RASA2: variants seen among roughly 807,000 people sequenced by gnomAD.
RASA2 encodes the protein RAS p21 protein activator 2, also known as ras GTPase-activating protein 2.
Under a neutral mutation model 118.2 loss-of-function variants are expected in RASA2, and 155 were observed. The ratio of observed to expected loss-of-function variants is 1.31; its 90% CI spans 1.15 to 1.50. The LOEUF (loss-of-function observed/expected upper bound fraction) is 1.50, where lower values mean the gene tolerates loss of function less well. Ranked by LOEUF, RASA2 falls within the 40% of genes most tolerant of loss-of-function variation. The pLI is 0.00. For missense variants in RASA2, 1,016 were observed against 1,009.6 expected (o/e 1.01, Z -0.09); for synonymous variants, 353 against 349.1 (o/e 1.01, Z -0.12).
chr3:141,570,725 C>T (rs2082904522), intron 9 of RASA2, among the ~76,000 whole-genome samples, 187 bp from the exon 10 acceptor site: 1 of 152,134 alleles, frequency 6.6e-6, no homozygotes, highest in Non-Finnish European at 1.5e-5. Context: ...GTGTTTATAG[C>T]TTTGTAATCC....
In RASA2 at chr3:141,540,042, C is replaced by T. The variant is rs144164361; in HGVS notation, c.451-491C>T. Among the ~76,000 whole-genome samples, 804 of 152,186 alleles carry T rather than the reference C, an allele frequency of 5.3e-3. 3 individuals are homozygous for T. The highest frequency in any genetic ancestry group is 8.3e-3 in the Non-Finnish European group (566 of 67,980). ...TGCCTTCTGAAACATAGTAGACATT[C>T]CATAAATCTTTATTGTTTGATCAAA... On this transcript the variant is annotated intron_variant, in intron 4 of 23. Coordinates refer to ENST00000286364, the MANE Select transcript of RASA2 (RefSeq NM_006506.5).
intron 19 of RASA2, among the ~76,000 whole-genome samples, chr3:141,604,994 C>G (rs1461152265): frequency 6.6e-6 from 1 of 151,724 alleles, no homozygotes; most frequent in African/African-American, 2.4e-5. Flanking sequence ...AATGATAGTT[C>G]AATGGAGTAA....
intron 9 of RASA2, 72 bp from the exon 10 acceptor site, chr3:141,570,837 TAAC>T: frequency 7.1e-7 from 1 of 1,415,010 alleles, no homozygotes; most frequent in South Asian, 1.3e-5. Flanking sequence ...AGTTTTTTTA[TAAC>T]TTAACTCTTA....
At chr3:141,491,800 G>A (rs113404186) in intron 1 of RASA2, among the ~76,000 whole-genome samples, 17 of 152,244 alleles carry the variant, frequency 1.1e-4, no homozygotes, top group African/African-American at 3.9e-4. Flanking sequence ...AATTGGTCCT[G>A]GAGCTTGGAA....
At chr3:141,535,808 A>G (rs1344965503) in intron 4 of RASA2, among the ~76,000 whole-genome samples, 2 of 152,208 alleles carry the variant, frequency 1.3e-5, no homozygotes, top group African/African-American at 4.8e-5. Context: ...GCACTCAGCC[A>G]TTCATGAGGG....
At chr3:141,601,984 T>A (rs2083471882) in intron 19 of RASA2, among the ~76,000 whole-genome samples, 2 of 152,248 alleles carry the variant, frequency 1.3e-5, no homozygotes, top group South Asian at 4.1e-4. Flanking sequence ...CTCTTTGTAC[T>A]TTAGATTTTT....
At chr3:141,509,895 A>G (rs1400238725) in intron 1 of RASA2, among the ~76,000 whole-genome samples, 1 of 152,232 alleles carries the variant, frequency 6.6e-6, no homozygotes, top group East Asian at 1.9e-4. Flanking sequence ...TAAATTAATC[A>G]TTTAAAAGGT....
At chr3:141,539,563 A>C (rs999793368) in intron 4 of RASA2, among the ~76,000 whole-genome samples, 2 of 152,194 alleles carry the variant, frequency 1.3e-5, no homozygotes, top group African/African-American at 2.4e-5. Flanking sequence ...CTAGATAATG[A>C]ACTTTCCTAC....
rs963937406 is a variant in RASA2 at position 141,516,780 on chromosome 3, G to GTT, written c.355+359_355+360dup. ...TTAAAAGGGCAGGGACTCTTTTTTTGTTTTTTTTTTTGACACAGAATCTTG... is the reference window on the plus strand; with the variant it reads ...TTAAAAGGGCAGGGACTCTTTTTTTGTTTTTTTTTTTTTGACACAGAATCTTG... On this transcript the variant is annotated intron_variant, in intron 3 of 23. Transcript: ENST00000286364. 4.6e-3 allele frequency among the ~76,000 whole-genome samples: 654 copies of GTT among 140,876 alleles called. 5 individuals carry two copies. The highest frequency in any genetic ancestry group is 0.016 in the African/African-American group (623 of 38,722). The allele number at this position is 140,876 out of a possible 152,430, so 92.4% of individuals were successfully genotyped here. A position where few individuals can be genotyped will look rare whatever the true frequency, so the allele number is the denominator to read the frequency against.
chr3:141,573,812 G>T, intron 13 of RASA2, 132 bp from the exon 14 acceptor site: 1 of 668,354 alleles, frequency 1.5e-6, no homozygotes, highest in Non-Finnish European at 2.2e-6. Context: ...TTGGAAAAGG[G>T]TAACAGTACT....
chr3:141,607,772 A>C lies in RASA2; in HGVS notation c.2016+12A>C, dbSNP rs757434151. ...TCAACAAGAAAAATGTAAGTTATGT[A>C]AATAAATATTTAAAGCTTTCTGAAC... On this transcript the variant is annotated intron_variant, in intron 20 of 23. Coordinates refer to ENST00000286364, the MANE Select transcript of RASA2 (RefSeq NM_006506.5). 1.3e-6 allele frequency: 2 copies of C among 1,567,956 alleles called. No individual in the cohort carries two copies. The highest frequency in any genetic ancestry group is 1.7e-6 in the Non-Finnish European group (2 of 1,161,156).
chr3:141,526,551 ATGT>A (rs1349149856), intron 3 of RASA2, among the ~76,000 whole-genome samples: 2 of 152,092 alleles, frequency 1.3e-5, no homozygotes, highest in Non-Finnish European at 2.9e-5. Context: ...AGTGCTGGAC[ATGT>A]TGTAGGTATC....
At chr3:141,559,005 A>G (rs766442186) in intron 8 of RASA2, 43 bp downstream of exon 8, 40 of 1,487,394 alleles carry the variant, frequency 2.7e-5, no homozygotes, top group African/African-American at 4.2e-5. Context: ...TTTGTATACC[A>G]AAAGAAAATC....
At chr3:141,570,234 C>T (rs551257247) in intron 9 of RASA2, among the ~76,000 whole-genome samples, 29 of 147,534 alleles carry the variant, frequency 2.0e-4, no homozygotes, top group African/African-American at 6.5e-4. Flanking sequence ...TTTTTTGAGA[C>T]GAAGTCTTGC....
At chr3:141,572,029 C>CATATAT (rs10568210) in intron 11 of RASA2, among the ~76,000 whole-genome samples, 1,898 of 121,286 alleles carry the variant, frequency 0.016, 18 homozygotes, top group Non-Finnish European at 0.025. Context: ...TTTAAAAAAA[C>CATATAT]ATATATATAT....
intron 19 of RASA2, among the ~76,000 whole-genome samples, chr3:141,597,256 A>G (rs896288798): frequency 9.9e-5 from 15 of 152,016 alleles, no homozygotes; most frequent in African/African-American, 3.6e-4. Context: ...ATAATAAAGA[A>G]TACTACTAGC....
At chr3:141,611,546 G>C (rs2083652006) in intron 23 of RASA2, among the ~76,000 whole-genome samples, 1 of 152,116 alleles carries the variant, frequency 6.6e-6, no homozygotes, top group Admixed American at 6.6e-5. Context: ...GCCCAACTTG[G>C]TTTTATCCTC....
chr3:141,557,409 A>G (rs2082666222), intron 7 of RASA2, among the ~76,000 whole-genome samples: 2 of 152,232 alleles, frequency 1.3e-5, no homozygotes, highest in Non-Finnish European at 2.9e-5. Flanking sequence ...AGTATTAGAG[A>G]TGACGAACAT....
intron 23 of RASA2, among the ~76,000 whole-genome samples, chr3:141,610,336 ATT>A (rs2083619178): frequency 7.3e-6 from 1 of 136,710 alleles, no homozygotes; most frequent in Non-Finnish European, 1.5e-5. Context: ...ATAAATATAT[ATT>A]TTATATATAT....
Sources: gnomAD v4.1 joint callset for allele counts (sites outside exome capture counted in the v4.1 genomes callset) on GRCh38, gnomAD v4.1.1 for gene constraint, MANE v1.5 for transcripts, NCBI Gene and HGNC (gene_info 2026-07-23, HGNC 2026-07-21) for gene names.